Variants in STX7 observed in about 807,000 individuals in gnomAD.
The protein encoded by STX7 is syntaxin-7.
A neutral mutation model predicts 39.6 loss-of-function variants in STX7; 34 were observed. That is an observed-to-expected ratio of 0.86 (90% CI 0.65 to 1.14). STX7 has a LOEUF of 1.14. Among genes scored for constraint, STX7 ranks in the 50% most tolerant of loss-of-function variants. STX7 has a pLI of 0.00. For missense variants in STX7, 284 were observed against 310.4 expected (o/e 0.92, Z 0.64); for synonymous variants, 119 against 99.1 (o/e 1.20, Z -1.19).
intron 2 of STX7, among the ~76,000 whole-genome samples, chr6:132,494,589 A>T (rs184638832): frequency 2.0e-5 from 3 of 152,250 alleles, no homozygotes; most frequent in Admixed American, 2.0e-4. Context: ...GCAGAAGAGG[A>T]GCAAGTGCAA....
chr6:132,460,721 T>C lies in STX7; in HGVS notation c.*37A>G, dbSNP rs1349459154. On this transcript the variant is annotated 3_prime_UTR_variant, in exon 10 of 10. Transcript: ENST00000367941. ...ATTACAGGAATCTTCCTACATAATTTAGACAATGTAGTGCGACAGTGTGCT... is the reference window on the plus strand; with the variant it reads ...ATTACAGGAATCTTCCTACATAATTCAGACAATGTAGTGCGACAGTGTGCT... 5 of 1,413,624 alleles carry C rather than the reference T, an allele frequency of 3.5e-6. No individual in the cohort carries two copies. Among genetic ancestry groups the C allele is most frequent in the Non-Finnish European group, 4.9e-6 (5 of 1,013,344 alleles). 87.6% of individuals were successfully genotyped at this position (1,413,624 alleles called of 1,614,324 possible). A position where few individuals can be genotyped will look rare whatever the true frequency, so the allele number is the denominator to read the frequency against.
At chr6:132,492,900 G>A (rs1242331722) in intron 2 of STX7, among the ~76,000 whole-genome samples, 2 of 152,214 alleles carry the variant, frequency 1.3e-5, no homozygotes, top group Non-Finnish European at 2.9e-5. Context: ...ATCACTGGGT[G>A]TACTTGGGCC....
At chr6:132,501,480 A>T (rs1775557730) in intron 2 of STX7, among the ~76,000 whole-genome samples, 1 of 151,824 alleles carries the variant, frequency 6.6e-6, no homozygotes, top group Admixed American at 6.6e-5. Context: ...TAAATATTCA[A>T]CTCTGGCCCA....
At chr6:132,461,310 T>G (rs779100713) in intron 9 of STX7, among the ~76,000 whole-genome samples, 3 of 151,562 alleles carry the variant, frequency 2.0e-5, no homozygotes, top group Non-Finnish European at 4.4e-5. Flanking sequence ...CATATATTTC[T>G]TTTCTTTTTT....
chr6:132,478,838 T>G (rs1039011878), intron 2 of STX7, among the ~76,000 whole-genome samples: 3 of 152,214 alleles, frequency 2.0e-5, no homozygotes, highest in Admixed American at 6.5e-5. Context: ...TTGCTATCAA[T>G]GGGATGGGAC....
chr6:132,466,173 C>T (rs1317984342), intron 8 of STX7, among the ~76,000 whole-genome samples: 1 of 152,172 alleles, frequency 6.6e-6, no homozygotes, highest in Non-Finnish European at 1.5e-5. Flanking sequence ...ATTGAGGTCA[C>T]CTATGCCCTA....
At position 132,445,932 on chromosome 6, in the gene STX7, T is replaced by C. The variant is rs1189307121; in HGVS notation, c.*14826A>G. The C allele has an allele frequency of 6.6e-6, 1 of 152,232 alleles. No homozygotes were observed. The highest frequency in any genetic ancestry group is 2.4e-5 in the African/African-American group (1 of 41,468). The allele number at this position is 152,232 out of a possible 1,614,324, so 9.4% of individuals were successfully genotyped here. A position where few individuals can be genotyped will look rare whatever the true frequency, so the allele number is the denominator to read the frequency against. ...AGTAAATTTTCTTTTGAAGATTTTA[T>C]AAATTACACATGGGGTTGTTATTAC... On this transcript the variant is annotated 3_prime_UTR_variant, in exon 10 of 10. Transcript: ENST00000367941.
intron 2 of STX7, among the ~76,000 whole-genome samples, chr6:132,479,262 C>G (rs1442912495): frequency 6.6e-6 from 1 of 152,166 alleles, no homozygotes; most frequent in East Asian, 1.9e-4. Flanking sequence ...AAAGAAAAGA[C>G]CATCCAGCGA....
In STX7 at chr6:132,464,090, A is replaced by G. The variant is rs375418625; in HGVS notation, c.611-15T>C. ...TTCTATGCTATCTGTAAAATAAAAC[A>G]CACACACACAAATGTGTTAAACATG... is the stretch of plus-strand genomic sequence containing the variant. On this transcript the variant is annotated splice_polypyrimidine_tract_variant and intron_variant, in intron 8 of 9. Transcript: ENST00000367941. 13 of 1,608,710 alleles carry G rather than the reference A, an allele frequency of 8.1e-6. No homozygotes were observed. The East Asian group carries it at 8.9e-5, about 11-fold the overall frequency.
chr6:132,483,242 T>C (rs868200187), intron 2 of STX7, among the ~76,000 whole-genome samples: 1 of 152,204 alleles, frequency 6.6e-6, no homozygotes, highest in African/African-American at 2.4e-5. Context: ...ATATAACCTA[T>C]GCACATCCTC....
rs921970857 is a variant in STX7 at position 132,452,988 on chromosome 6, A to C, written c.*7770T>G. On this transcript the variant is annotated 3_prime_UTR_variant, in exon 10 of 10. Coordinates refer to ENST00000367941, the MANE Select transcript of STX7 (RefSeq NM_003569.3). The stretch of plus-strand genomic sequence containing the variant: ...ATTTCAAGACTTACTACAGTAATCA[A>C]GATTTTGGTGTTGGTGGAGGTATAG... The C allele has an allele frequency of 1.3e-5, 2 of 152,172 alleles. No homozygotes were observed. Among genetic ancestry groups the C allele is most frequent in the Non-Finnish European group, 2.9e-5 (2 of 68,000 alleles). The allele number at this position is 152,172 out of a possible 1,614,324, so 9.4% of individuals were successfully genotyped here. A position where few individuals can be genotyped will look rare whatever the true frequency, so the allele number is the denominator to read the frequency against.
At position 132,459,402 on chromosome 6, in the gene STX7, C is replaced by T. The variant is rs1156986014; in HGVS notation, c.*1356G>A. On this transcript the variant is annotated 3_prime_UTR_variant, in exon 10 of 10. Coordinates refer to ENST00000367941, the MANE Select transcript of STX7 (RefSeq NM_003569.3). ...GCTCCAGAAAGATGCTGAATGGCCA[C>T]AGTGCATGTGGTGATGTCTCCATGC... The T allele has an allele frequency of 6.6e-6, 1 of 152,238 alleles. No individual in the cohort carries two copies. The highest frequency in any genetic ancestry group is 1.5e-5 in the Non-Finnish European group (1 of 68,056). 9.4% of individuals were successfully genotyped at this position (152,238 alleles called of 1,614,324 possible). A position where few individuals can be genotyped will look rare whatever the true frequency, so the allele number is the denominator to read the frequency against.
At chr6:132,510,986 T>C (rs1775833094) in intron 1 of STX7, among the ~76,000 whole-genome samples, 2 of 152,328 alleles carry the variant, frequency 1.3e-5, no homozygotes, top group South Asian at 4.1e-4. Context: ...AAAGAAGTAG[T>C]CAATTTCACT....
At chr6:132,504,734 A>C (rs1474482422) in intron 1 of STX7, among the ~76,000 whole-genome samples, 4 of 152,146 alleles carry the variant, frequency 2.6e-5, no homozygotes, top group Admixed American at 1.3e-4. Context: ...CCAACAAAAA[A>C]CCCCACAAAT....
At chr6:132,462,582 GGTGTGTGTGTGT>G (rs71952617) in intron 9 of STX7, among the ~76,000 whole-genome samples, 2,304 of 144,982 alleles carry the variant, frequency 0.016, 29 homozygotes, top group Non-Finnish European at 0.025. Flanking sequence ...CATTTGCAGG[GGTGTGTGTGTGT>G]GTGTGTGTGT....
At chr6:132,506,367 T>C (rs1775705864) in intron 1 of STX7, among the ~76,000 whole-genome samples, 1 of 151,842 alleles carries the variant, frequency 6.6e-6, no homozygotes, top group South Asian at 2.1e-4. Context: ...GAGATTAATA[T>C]CCAGAATTTA....
chr6:132,490,283 T>C (rs549256008), intron 2 of STX7, among the ~76,000 whole-genome samples: 63 of 152,344 alleles, frequency 4.1e-4, no homozygotes, highest in African/African-American at 1.5e-3. Context: ...AGCTGAATTG[T>C]TGTCACGAGT....
chr6:132,493,828 G>C (rs539775472), intron 2 of STX7, among the ~76,000 whole-genome samples: 2 of 152,124 alleles, frequency 1.3e-5, no homozygotes, highest in Admixed American at 1.3e-4. Context: ...TATACTGTTC[G>C]ATTCCTACTT....
At chr6:132,511,365 G>T (rs1040215502) in intron 1 of STX7, among the ~76,000 whole-genome samples, 1 of 152,152 alleles carries the variant, frequency 6.6e-6, no homozygotes, top group Non-Finnish European at 1.5e-5. Flanking sequence ...CCCCAGCAAG[G>T]CCTCATCACA....
Sources: gnomAD v4.1 joint callset for allele counts (sites outside exome capture counted in the v4.1 genomes callset) on GRCh38, gnomAD v4.1.1 for gene constraint, MANE v1.5 for transcripts, NCBI Gene and HGNC (gene_info 2026-07-23, HGNC 2026-07-21) for gene names.